MYLK3: variants seen among roughly 807,000 people sequenced by gnomAD.
MYLK3 encodes the protein MLC kinase.
MYLK3 carries 55 observed loss-of-function variants against 76.3 expected under a neutral mutation model. The observed-to-expected ratio is 0.72, with a 90% CI of 0.58 to 0.90. MYLK3 has a LOEUF of 0.90. Among genes scored for constraint, MYLK3 ranks in the 40% least tolerant of loss-of-function variants. The pLI is 0.00. For missense variants in MYLK3, 973 were observed against 1,053.6 expected, an observed-to-expected ratio of 0.92 and a Z score of 1.06; for synonymous variants, 416 against 425.4, an observed-to-expected ratio of 0.98 and a Z score of 0.27.
At chr16:46,747,672 G>A in intron 1 of MYLK3, 45 bp downstream of exon 1, 2 of 1,570,474 alleles carry the variant, frequency 1.3e-6, no homozygotes, top group African/African-American at 1.3e-5. Context: ...CTCCCACCAG[G>A]GCCGGGGCCT....
intron 1 of MYLK3, among the ~76,000 whole-genome samples, chr16:46,762,011 G>T (rs1161373836): frequency 2.6e-5 from 4 of 152,100 alleles, no homozygotes; most frequent in Non-Finnish European, 4.4e-5. Flanking sequence ...TGGGAAGCAT[G>T]TTGTTGCCAA....
intron 1 of MYLK3, among the ~76,000 whole-genome samples, chr16:46,758,304 ACTCTCTCTCT>A (rs3044832): frequency 0.095 from 8,294 of 87,102 alleles, 492 homozygotes; most frequent in African/African-American, 0.19. Flanking sequence ...ACACACACAC[ACTCTCTCTCT>A]CTCTCTCTCT....
intron 7 of MYLK3, among the ~76,000 whole-genome samples, chr16:46,728,469 C>T (rs1432133355): frequency 6.6e-6 from 1 of 152,180 alleles, no homozygotes; most frequent in East Asian, 1.9e-4. Flanking sequence ...ACCTGTAATC[C>T]CAGCACTTTG....
At chr16:46,708,032 G>T (rs1966644747) in intron 12 of MYLK3, among the ~76,000 whole-genome samples, 1 of 151,850 alleles carries the variant, frequency 6.6e-6, no homozygotes, top group Non-Finnish European at 1.5e-5. Context: ...TCAGGATGGG[G>T]TCTGGCTCTG....
chr16:46,718,350 C>A (rs1048934781), intron 9 of MYLK3, among the ~76,000 whole-genome samples: 1 of 152,178 alleles, frequency 6.6e-6, no homozygotes, highest in Non-Finnish European at 1.5e-5. Flanking sequence ...TGTTCATGAA[C>A]TACAATACAC....
chr16:46,710,902 T>C lies in MYLK3; in HGVS notation c.2115-113A>G, dbSNP rs566493998. The C allele has an allele frequency of 4.4e-5, 57 of 1,282,560 alleles. No homozygotes were observed. The African/African-American group carries it at 8.1e-4, about 18-fold the overall frequency. The allele number at this position is 1,282,560 out of a possible 1,614,324, so 79.4% of individuals were successfully genotyped here. A position where few individuals can be genotyped will look rare whatever the true frequency, so the allele number is the denominator to read the frequency against. On this transcript the variant is annotated intron_variant, in intron 10 of 12. Transcript: ENST00000394809. ...TGGACCTAGCCAGAACCAAGAGGGT[T>C]CAAAATAAAAGCACCTCCACTACTT... is the stretch of plus-strand genomic sequence containing the variant.
intron 3 of MYLK3, among the ~76,000 whole-genome samples, chr16:46,733,130 G>T (rs558832853): frequency 6.6e-6 from 1 of 152,220 alleles, no homozygotes; most frequent in Non-Finnish European, 1.5e-5. Flanking sequence ...GGGAGGCCAA[G>T]GTGGGAGGAT....
chr16:46,759,747 C>A (rs1305417599), intron 1 of MYLK3, among the ~76,000 whole-genome samples: 1 of 152,146 alleles, frequency 6.6e-6, no homozygotes, highest in Admixed American at 6.5e-5. Context: ...CCTGCCTCAG[C>A]CTCCCTAGTA....
chr16:46,747,817 G>A lies in MYLK3; in HGVS notation c.377C>T (p.Ala126Val), dbSNP rs1967055272. Residue 126 changes from alanine (A) to valine (V), a missense_variant, in exon 1 of 13, where the codon GCT becomes GTT. Physicochemically the swap from Ala to Val is moderately conservative, Grantham distance 64 (BLOSUM62 0). Coordinates refer to ENST00000394809, the MANE Select transcript of MYLK3 (RefSeq NM_182493.3). ...TTTCTGGAACGTGGCCCCCACCAAA[G>A]CGATGGCCCTGTCCACCGCAGCCAC... ...RMVAAVDRAIALVGATFQKSK... is the reference protein window; with the variant it reads ...RMVAAVDRAIVLVGATFQKSK... 18 of 1,614,230 alleles carry A rather than the reference G, an allele frequency of 1.1e-5. No individual in the cohort carries two copies. The highest frequency in any genetic ancestry group is 1.5e-5 in the Non-Finnish European group (18 of 1,180,050).
At chr16:46,755,331 G>A (rs1189133601) in intron 1 of MYLK3, among the ~76,000 whole-genome samples, 5 of 152,026 alleles carry the variant, frequency 3.3e-5, no homozygotes, top group Non-Finnish European at 7.4e-5. Flanking sequence ...GGTGGTGGGT[G>A]CCTGTAATCC....
At chr16:46,756,753 C>CTCATCTGCACTGGGGGCACA in intron 1 of MYLK3, among the ~76,000 whole-genome samples, 1 of 152,314 alleles carries the variant, frequency 6.6e-6, no homozygotes, top group Admixed American at 6.5e-5. Context: ...CACAGGTTTC[C>CTCATCTGCACTGGGGGCACA]TCATCTGCAC....
chr16:46,757,312 A>G (rs1967213118), intron 1 of MYLK3: 4 of 943,070 alleles, frequency 4.2e-6, no homozygotes, highest in Non-Finnish European at 3.8e-6. Flanking sequence ...TTGGCGCAAG[A>G]GAACCCAGGA....
chr16:46,722,512 T>C (rs1334992525), intron 8 of MYLK3, among the ~76,000 whole-genome samples: 1 of 152,224 alleles, frequency 6.6e-6, no homozygotes, highest in Admixed American at 6.5e-5. Context: ...TGTGAGAGAA[T>C]GGTGTTTAAA....
At chr16:46,744,214 G>A (rs1254648884) in intron 1 of MYLK3, among the ~76,000 whole-genome samples, 1 of 149,180 alleles carries the variant, frequency 6.7e-6, no homozygotes, top group African/African-American at 2.5e-5. Flanking sequence ...TGTATTTTTA[G>A]TAGAGACGGG....
Position 46,747,785 on chromosome 16 carries a change from C to A in MYLK3, c.409G>T (p.Val137Leu), listed in dbSNP as rs200646785. 1.2e-6 allele frequency: 2 copies of A among 1,614,226 alleles called. No individual in the cohort carries two copies. Among genetic ancestry groups the A allele is most frequent in the Admixed American group, 3.3e-5 (2 of 60,036 alleles). Reference sequence around the variant, plus strand: ...CGCCCCTGCATGAGGAAATCCGCCACCTTTGATTTCTGGAACGTGGCCCCC... The same window carrying A: ...CGCCCCTGCATGAGGAAATCCGCCAACTTTGATTTCTGGAACGTGGCCCCC... Reference protein sequence around the residue: ...LVGATFQKSKVADFLMQGRVP... With the variant: ...LVGATFQKSKLADFLMQGRVP... Residue 137 changes from valine to leucine, a missense_variant, in exon 1 of 13, where the codon GTG (valine) becomes TTG (leucine). Val to Leu is a conservative substitution (Grantham distance 32). Transcript: ENST00000394809.
upstream of MYLK3, among the ~76,000 whole-genome samples, chr16:46,750,189 G>T (rs1329548215): frequency 6.6e-6 from 1 of 152,166 alleles, no homozygotes; most frequent in African/African-American, 2.4e-5. Flanking sequence ...GGCTCCCTGG[G>T]CCAACCTTTG....
chr16:46,738,076 CA>C lies in MYLK3; in HGVS notation c.635del (p.Leu212ArgfsTer87). On this transcript the variant is annotated frameshift_variant, in exon 3 of 13. Transcript: ENST00000394809. LOFTEE classifies it high-confidence loss of function. The stretch of plus-strand genomic sequence containing the variant: ...CCACTGCCTGGGCGGGGTCAGCTCC[CA>C]GCCCTGACGCTCTGATGGGGGGCAG... ...ERLPPIRASG[L>X]GADPAQAVVS... 1 of 1,601,006 alleles carries C rather than the reference CA, an allele frequency of 6.2e-7. No individual in the cohort carries two copies. The highest frequency in any genetic ancestry group is 1.7e-4 in the Middle Eastern group (1 of 6,024).
intron 1 of MYLK3, chr16:46,763,008 C>T (rs1967300567): frequency 1.0e-6 from 1 of 985,478 alleles, no homozygotes. Flanking sequence ...CCCCCACACA[C>T]ACACAGTAGG....
intron 12 of MYLK3, among the ~76,000 whole-genome samples, chr16:46,708,983 T>G (rs145229291): frequency 6.4e-4 from 98 of 152,346 alleles, no homozygotes; most frequent in Non-Finnish European, 1.2e-3. Flanking sequence ...TCACTTCAAG[T>G]GTCCATATAA....
Sources: allele counts gnomAD v4.1 joint callset (sites outside exome capture counted in the v4.1 genomes callset), GRCh38; gene constraint gnomAD v4.1.1; transcripts MANE v1.5; gene names NCBI Gene and HGNC (gene_info 2026-07-23, HGNC 2026-07-21).